Variants in RAB6A observed in about 807,000 individuals in gnomAD.
RAB6A encodes ras-related protein Rab-6A.
A neutral mutation model predicts 32.3 loss-of-function variants in RAB6A; 8 were observed. That is an observed-to-expected ratio of 0.25 (90% CI 0.15 to 0.45). The LOEUF is 0.45. Ranked by LOEUF, RAB6A falls within the 20% of genes least tolerant of loss-of-function variation. RAB6A has a pLI of 1.00. For synonymous variants in RAB6A, 73 were observed against 82.1 expected, an observed-to-expected ratio of 0.89 and a Z score of 0.60; for missense variants, 104 against 249.4, an observed-to-expected ratio of 0.42 and a Z score of 3.93.
At chr11:73,736,977 C>CAAAA (rs535172648) in intron 1 of RAB6A, among the ~76,000 whole-genome samples, 7 of 64,704 alleles carry the variant, frequency 1.1e-4, no homozygotes, top group South Asian at 6.2e-4. Flanking sequence ...GACACTGTCT[C>CAAAA]AAAAAAAAAA....
intron 5 of RAB6A, among the ~76,000 whole-genome samples, chr11:73,714,627 A>C (rs1434602781): frequency 6.6e-6 from 1 of 151,220 alleles, no homozygotes; most frequent in African/African-American, 2.4e-5. Flanking sequence ...GCGCCATGGC[A>C]CTCCAACCCA....
At chr11:73,750,030 A>AT (rs933393494) in intron 1 of RAB6A, among the ~76,000 whole-genome samples, 38 of 152,166 alleles carry the variant, frequency 2.5e-4, no homozygotes, top group African/African-American at 8.2e-4. Context: ...TTTAAAAAAT[A>AT]TTTTTTTTAA....
At chr11:73,695,625 C>G (rs1396060565) in intron 6 of RAB6A, among the ~76,000 whole-genome samples, 1 of 152,080 alleles carries the variant, frequency 6.6e-6, no homozygotes, top group Non-Finnish European at 1.5e-5. Flanking sequence ...GATAATCTGC[C>G]CACCTTGGCC....
intron 6 of RAB6A, among the ~76,000 whole-genome samples, chr11:73,690,577 C>A (rs1945535856): frequency 2.1e-5 from 3 of 144,838 alleles, no homozygotes; most frequent in African/African-American, 2.6e-5. Flanking sequence ...TTAACATTTT[C>A]AAATAATTTA....
Position 73,677,194 on chromosome 11 carries a change from T to C in RAB6A, c.*704A>G, listed in dbSNP as rs1374679066. ...TTAGTCAGAAATACATCTTATGTTC[T>C]TCTACTTCTAAGTACTCAGTATGTT... On this transcript the variant is annotated 3_prime_UTR_variant, in exon 8 of 8. Transcript: ENST00000336083. 6.0e-6 allele frequency: 1 copy of C among 167,158 alleles called. No individual in the cohort carries two copies. Among genetic ancestry groups the C allele is most frequent in the Non-Finnish European group, 1.5e-5 (1 of 68,138 alleles). 10.4% of individuals were successfully genotyped at this position (167,158 alleles called of 1,614,324 possible).
intron 6 of RAB6A, among the ~76,000 whole-genome samples, chr11:73,680,118 TAATAA>T (rs1362404625): frequency 6.6e-6 from 1 of 151,624 alleles, no homozygotes; most frequent in Non-Finnish European, 1.5e-5. Context: ...AATAAATAAA[TAATAA>T]AATAAAATGT....
chr11:73,687,642 G>C (rs949951127), intron 6 of RAB6A, among the ~76,000 whole-genome samples: 32 of 152,222 alleles, frequency 2.1e-4, no homozygotes, highest in African/African-American at 6.0e-4. Flanking sequence ...GATCACCTGA[G>C]GTTAGGAGTT....
intron 6 of RAB6A, among the ~76,000 whole-genome samples, chr11:73,692,644 G>T (rs931034567): frequency 1.1e-4 from 17 of 150,854 alleles, no homozygotes; most frequent in African/African-American, 3.9e-4. Context: ...TTAGATGAAC[G>T]TCAACTTGAT....
At chr11:73,689,733 G>A (rs932943747) in intron 6 of RAB6A, among the ~76,000 whole-genome samples, 1 of 151,966 alleles carries the variant, frequency 6.6e-6, no homozygotes, top group Non-Finnish European at 1.5e-5. Flanking sequence ...TCATATGTAC[G>A]GACTGAGGTC....
intron 6 of RAB6A, among the ~76,000 whole-genome samples, chr11:73,704,499 A>G (rs1945800722): frequency 6.7e-6 from 1 of 150,294 alleles, no homozygotes; most frequent in Non-Finnish European, 1.5e-5. Context: ...CCTGACCAAC[A>G]TAGTGAAACT....
intron 5 of RAB6A, among the ~76,000 whole-genome samples, chr11:73,707,759 A>T (rs1045506296): frequency 1.3e-5 from 2 of 152,006 alleles, no homozygotes; most frequent in African/African-American, 4.8e-5. Context: ...TCATCCTGTA[A>T]TTTTTTTACT....
At chr11:73,749,753 T>C (rs772687476) in intron 1 of RAB6A, among the ~76,000 whole-genome samples, 43 of 152,110 alleles carry the variant, frequency 2.8e-4, no homozygotes, top group Non-Finnish European at 5.1e-4. Context: ...TCCTAGCTAC[T>C]CGGGAGGCTA....
chr11:73,707,737 A>G (rs1945871860), intron 5 of RAB6A, among the ~76,000 whole-genome samples: 1 of 152,126 alleles, frequency 6.6e-6, no homozygotes, highest in South Asian at 2.1e-4. Flanking sequence ...ATTTGCTTTC[A>G]CTTGACTGGG....
chr11:73,752,771 T>C (rs1946687480), intron 1 of RAB6A, among the ~76,000 whole-genome samples: 1 of 150,702 alleles, frequency 6.6e-6, no homozygotes, highest in Non-Finnish European at 1.5e-5. Flanking sequence ...TGAGCTGAGA[T>C]TGCACCACTG....
At chr11:73,683,701 C>T (rs187037872) in intron 6 of RAB6A, among the ~76,000 whole-genome samples, 15 of 151,680 alleles carry the variant, frequency 9.9e-5, no homozygotes, top group African/African-American at 3.1e-4. Flanking sequence ...CACAGGTGTG[C>T]GCCACCACAC....
In RAB6A at chr11:73,698,362, G is replaced by C. The variant is rs117215473; in HGVS notation, c.495+9058C>G. 3.2e-3 allele frequency among the ~76,000 whole-genome samples: 493 copies of C among 152,242 alleles called. 9 individuals carry two copies. The highest frequency in any genetic ancestry group is 0.023 in the Admixed American group (344 of 15,276). On this transcript the variant is annotated intron_variant, in intron 6 of 7. Transcript: ENST00000336083. ...CAGATTTTGGAACTAAATAGACCTGGGCTCACATTGCAGTTTAAGTTATAA... is the reference window on the plus strand; with the variant it reads ...CAGATTTTGGAACTAAATAGACCTGCGCTCACATTGCAGTTTAAGTTATAA...
intron 6 of RAB6A, among the ~76,000 whole-genome samples, chr11:73,682,536 G>A (rs746588211): frequency 6.6e-6 from 1 of 152,156 alleles, no homozygotes; most frequent in Non-Finnish European, 1.5e-5. Context: ...GATGGCACAT[G>A]CCTGCAGTCC....
intron 1 of RAB6A, among the ~76,000 whole-genome samples, chr11:73,732,216 A>C (rs943794911): frequency 2.6e-5 from 4 of 152,104 alleles, no homozygotes; most frequent in Non-Finnish European, 5.9e-5. Context: ...TGCAAAAAAA[A>C]CCTTATCAAT....
At chr11:73,748,272 C>G (rs1946621724) in intron 1 of RAB6A, among the ~76,000 whole-genome samples, 1 of 152,006 alleles carries the variant, frequency 6.6e-6, no homozygotes. Flanking sequence ...AGCTCAAAAA[C>G]GTGTAAAGGA....
Sources: gnomAD v4.1 joint callset for allele counts (sites outside exome capture counted in the v4.1 genomes callset) on GRCh38, gnomAD v4.1.1 for gene constraint, MANE v1.5 for transcripts, NCBI Gene and HGNC (gene_info 2026-07-23, HGNC 2026-07-21) for gene names.